The following SLC25A33 variants were observed in gnomAD, a reference collection of about 807,000 sequenced individuals.
SLC25A33 encodes the protein bone marrow stromal cell mitochondrial carrier protein.
In SLC25A33, 15 loss-of-function variants were observed where a neutral mutation model predicts 35.5. The ratio of observed to expected loss-of-function variants is 0.42; its 90% CI spans 0.28 to 0.65. SLC25A33 has a LOEUF of 0.65. SLC25A33 is among the 30% of genes least tolerant of loss of function. SLC25A33 has a pLI of 0.20. For synonymous variants in SLC25A33, 136 were observed against 148.7 expected (o/e 0.91, Z 0.62); for missense variants, 257 against 398.5 (o/e 0.64, Z 3.02).
At chr1:9,543,573 C>G (rs1234809108) in intron 1 of SLC25A33, among the ~76,000 whole-genome samples, 2 of 152,178 alleles carry the variant, frequency 1.3e-5, no homozygotes, top group African/African-American at 4.8e-5. Flanking sequence ...CATCAAATAG[C>G]ATGGGGGTTC....
chr1:9,567,879 C>G (rs1206331838), intron 3 of SLC25A33, among the ~76,000 whole-genome samples: 1 of 152,200 alleles, frequency 6.6e-6, no homozygotes, highest in Non-Finnish European at 1.5e-5. Context: ...CAGAACTGTA[C>G]TGTCCCAGTA....
chr1:9,547,548 G>A (rs1190355920), intron 1 of SLC25A33, among the ~76,000 whole-genome samples: 2 of 152,028 alleles, frequency 1.3e-5, no homozygotes, highest in Non-Finnish European at 2.9e-5. Flanking sequence ...TCCATTTTAC[G>A]GTCTTCAAAT....
Position 9,580,854 on chromosome 1 carries a change from CAAAA to C in SLC25A33, c.763+630_763+633del, listed in dbSNP as rs200156885. 5.9e-3 allele frequency among the ~76,000 whole-genome samples: 817 copies of C among 139,372 alleles called. 18 individuals are homozygous for C. The highest frequency in any genetic ancestry group is 0.032 in the Admixed American group (462 of 14,232). The allele number at this position is 139,372 out of a possible 152,430, so 91.4% of individuals were successfully genotyped here. A position where few individuals can be genotyped will look rare whatever the true frequency, so the allele number is the denominator to read the frequency against. ...CTGGCAACAGAGCGAGACTCTGTCT[CAAAA>C]AAAAAAAAATAATAATAATAATAAT... On this transcript the variant is annotated intron_variant, in intron 6 of 6. Transcript: ENST00000302692.
chr1:9,583,653 C>T lies in SLC25A33; in HGVS notation c.*1152C>T, dbSNP rs1643771620. ...AGGAGCACAACGTAGGACTATGGCTCACCCGTCAGAGAGCTCACATTCTGA... is the reference window on the plus strand; with the variant it reads ...AGGAGCACAACGTAGGACTATGGCTTACCCGTCAGAGAGCTCACATTCTGA... On this transcript the variant is annotated 3_prime_UTR_variant, in exon 7 of 7. Transcript: ENST00000302692. 6.6e-6 allele frequency: 1 copy of T among 151,922 alleles called. No homozygotes were observed. The highest frequency in any genetic ancestry group is 2.4e-5 in the African/African-American group (1 of 41,342). The allele number at this position is 151,922 out of a possible 1,614,324, so 9.4% of individuals were successfully genotyped here. A position where few individuals can be genotyped will look rare whatever the true frequency, so the allele number is the denominator to read the frequency against.
intron 2 of SLC25A33, among the ~76,000 whole-genome samples, chr1:9,562,118 TG>T (rs1643432115): frequency 1.3e-5 from 2 of 149,382 alleles, no homozygotes; most frequent in South Asian, 4.2e-4. Context: ...GAGGCTGAGG[TG>T]GGCGGATCAC....
chr1:9,561,190 G>A (rs907839999), intron 2 of SLC25A33, among the ~76,000 whole-genome samples: 14 of 152,086 alleles, frequency 9.2e-5, no homozygotes, highest in Admixed American at 2.0e-4. Context: ...TGATCCGCCC[G>A]CTTCGGCCTC....
At chr1:9,579,711 C>A (rs144034648) in intron 5 of SLC25A33, among the ~76,000 whole-genome samples, 1 of 152,240 alleles carries the variant, frequency 6.6e-6, no homozygotes, top group African/African-American at 2.4e-5. Context: ...GTAAGACCAA[C>A]AAGGTAAGGA....
chr1:9,552,414 T>G (rs1457244529), intron 1 of SLC25A33, among the ~76,000 whole-genome samples: 3 of 151,700 alleles, frequency 2.0e-5, no homozygotes, highest in Non-Finnish European at 4.4e-5. Flanking sequence ...TTTTTTTTAG[T>G]AGAGATTGGG....
intron 2 of SLC25A33, among the ~76,000 whole-genome samples, chr1:9,556,910 C>T (rs1455500286): frequency 6.6e-6 from 1 of 152,188 alleles, no homozygotes; most frequent in East Asian, 1.9e-4. Context: ...TGAGCCATCA[C>T]TTATATATGA....
At chr1:9,540,086 C>T (rs1643054600) in intron 1 of SLC25A33, among the ~76,000 whole-genome samples, 6 of 152,096 alleles carry the variant, frequency 3.9e-5, no homozygotes, top group Admixed American at 3.9e-4. Flanking sequence ...GGCGCGGCCC[C>T]CCCTCCCCCG....
chr1:9,543,789 A>T (rs867415319), intron 1 of SLC25A33, among the ~76,000 whole-genome samples: 4 of 152,282 alleles, frequency 2.6e-5, no homozygotes, highest in Middle Eastern at 3.4e-3. Flanking sequence ...ATGTATTTTA[A>T]TGGGAATATA....
At chr1:9,560,692 A>G (rs978288118) in intron 2 of SLC25A33, among the ~76,000 whole-genome samples, 24 of 152,118 alleles carry the variant, frequency 1.6e-4, no homozygotes, top group Non-Finnish European at 1.6e-4. Context: ...AATATTCTCT[A>G]TTCTGTTAAA....
intron 1 of SLC25A33, among the ~76,000 whole-genome samples, chr1:9,541,733 TAAA>T (rs763050739): frequency 9.1e-4 from 124 of 136,400 alleles, no homozygotes; most frequent in Non-Finnish European, 1.4e-3. Context: ...AAGGATCATT[TAAA>T]AAAAAAAAAA....
chr1:9,543,230 A>G (rs934992493), intron 1 of SLC25A33, among the ~76,000 whole-genome samples: 2 of 150,648 alleles, frequency 1.3e-5, no homozygotes, highest in Non-Finnish European at 3.0e-5. Flanking sequence ...TGCAACCTCT[A>G]CCTCCTGGGT....
rs568048509 is a variant in SLC25A33 at position 9,577,556 on chromosome 1, G to A, written c.483-2398G>A. 2.9e-4 allele frequency among the ~76,000 whole-genome samples: 44 copies of A among 152,258 alleles called. No homozygotes were observed. The Middle Eastern group carries it at 0.01, about 35-fold the overall frequency. ...CCGTAAGACAGGGAGTGTAGTTGGC[G>A]TGTAGTACGTGCATCTGCGCTGGAG... On this transcript the variant is annotated intron_variant, in intron 5 of 6. Transcript: ENST00000302692.
intron 2 of SLC25A33, among the ~76,000 whole-genome samples, chr1:9,556,462 G>A (rs189345274): frequency 2.0e-5 from 3 of 152,182 alleles, no homozygotes; most frequent in Admixed American, 6.5e-5. Context: ...AAATGCTTGG[G>A]ACCAGAAGCA....
chr1:9,559,077 A>ACGGCTGACGT (rs1553146227), intron 2 of SLC25A33, among the ~76,000 whole-genome samples: 1 of 152,198 alleles, frequency 6.6e-6, no homozygotes, highest in Non-Finnish European at 1.5e-5. Context: ...CATTGTCTGC[A>ACGGCTGACGT]CGGCTGACGT....
At chr1:9,545,031 A>G (rs1159173890) in intron 1 of SLC25A33, among the ~76,000 whole-genome samples, 1 of 152,184 alleles carries the variant, frequency 6.6e-6, no homozygotes, top group Non-Finnish European at 1.5e-5. Context: ...TCTGCTGTCA[A>G]CTGGAGGTGA....
At chr1:9,568,035 A>G (rs892818946) in intron 3 of SLC25A33, among the ~76,000 whole-genome samples, 6 of 152,254 alleles carry the variant, frequency 3.9e-5, no homozygotes, top group Admixed American at 2.0e-4. Flanking sequence ...GATACAGGGC[A>G]TCCTATCTTG....
Sources: gnomAD v4.1 joint callset for allele counts (sites outside exome capture counted in the v4.1 genomes callset) on GRCh38, gnomAD v4.1.1 for gene constraint, MANE v1.5 for transcripts, NCBI Gene and HGNC (gene_info 2026-07-23, HGNC 2026-07-21) for gene names.